Variants in ZDHHC15 observed in about 807,000 individuals in gnomAD.
ZDHHC15 encodes zDHHC palmitoyltransferase 15.
In ZDHHC15, 19 loss-of-function variants were observed where a neutral mutation model predicts 31.7. The ratio of observed to expected loss-of-function variants is 0.60; its 90% CI spans 0.42 to 0.88. ZDHHC15 has a LOEUF of 0.88. Ranked by LOEUF, ZDHHC15 falls within the 40% of genes least tolerant of loss-of-function variation. The probability of loss-of-function intolerance (pLI) is 0.00; values close to 1 mark genes in which losing one functional copy is unlikely to be tolerated. For missense variants in ZDHHC15, 209 were observed against 251.2 expected (o/e 0.83, Z 1.14); for synonymous variants, 103 against 90.0 (o/e 1.14, Z -0.82).
At chrX:75,375,825 T>C (rs2083053950) in intron 11 of ZDHHC15, among the ~76,000 whole-genome samples, 1 of 111,954 alleles carries the variant, frequency 8.9e-6, no homozygotes, top group Admixed American at 9.5e-5. Context: ...GACACCTAGG[T>C]TGATTGCATG....
At chrX:75,521,193 C>A (rs1322388944) in intron 1 of ZDHHC15, among the ~76,000 whole-genome samples, 2 of 110,231 alleles carry the variant, frequency 1.8e-5, no homozygotes, top group Non-Finnish European at 3.8e-5. Flanking sequence ...CATATTGGAG[C>A]CCCAAACTAG....
chrX:75,410,482 C>A (rs1399255621), intron 10 of ZDHHC15, among the ~76,000 whole-genome samples: 1 of 111,879 alleles, frequency 8.9e-6, no homozygotes, highest in Admixed American at 9.4e-5. Flanking sequence ...ATACAAATGG[C>A]CAACAGGTAT....
intron 10 of ZDHHC15, among the ~76,000 whole-genome samples, chrX:75,406,291 A>C (rs1339314733): frequency 8.9e-6 from 1 of 111,759 alleles, no homozygotes. Context: ...TTAAGGAACT[A>C]GAAAAGCAAG....
chrX:75,480,722 T>G (rs2084676626), intron 2 of ZDHHC15, among the ~76,000 whole-genome samples: 1 of 111,469 alleles, frequency 9.0e-6, no homozygotes, highest in African/African-American at 3.3e-5. Flanking sequence ...GTTACCATAA[T>G]TTATTTAACC....
intron 4 of ZDHHC15, among the ~76,000 whole-genome samples, chrX:75,433,691 GTGTGTGTATATA>G (rs59166864): frequency 0.21 from 1,318 of 6,388 alleles, 17 homozygotes; most frequent in Non-Finnish European, 0.3. Flanking sequence ...GTGTGTGTGT[GTGTGTGTATATA>G]TATATATATA....
Position 75,370,030 on chromosome X carries a change from C to G in ZDHHC15, c.*2948G>C, listed in dbSNP as rs1569299065. 1 of 111,564 alleles carries G rather than the reference C, an allele frequency of 9.0e-6. No homozygotes were observed. 9.2% of individuals were successfully genotyped at this position (111,564 alleles called of 1,213,427 possible). On this transcript the variant is annotated 3_prime_UTR_variant, in exon 12 of 12. Coordinates refer to ENST00000373367, the MANE Select transcript of ZDHHC15 (RefSeq NM_144969.3). Reference sequence around the variant, plus strand: ...GTTGGAGTGAATGGAAGAACATTAACAAAGTGCTCTAAGTCCTGCAAGAAC... The same window carrying G: ...GTTGGAGTGAATGGAAGAACATTAAGAAAGTGCTCTAAGTCCTGCAAGAAC...
intron 3 of ZDHHC15, among the ~76,000 whole-genome samples, chrX:75,472,496 G>C (rs2084518110): frequency 8.9e-6 from 1 of 112,141 alleles, no homozygotes; most frequent in African/African-American, 3.2e-5. Flanking sequence ...TTAGGGATTT[G>C]GAAGAAGCAT....
At chrX:75,495,536 A>G (rs760714481) in intron 2 of ZDHHC15, among the ~76,000 whole-genome samples, 9 of 110,870 alleles carry the variant, frequency 8.1e-5, no homozygotes, top group Admixed American at 3.9e-4. Context: ...CAACCCAAAT[A>G]TCCAACAATG....
intron 2 of ZDHHC15, among the ~76,000 whole-genome samples, chrX:75,482,357 C>T (rs753228780): frequency 1.8e-5 from 2 of 112,101 alleles, no homozygotes; most frequent in African/African-American, 6.5e-5. Flanking sequence ...AGAGTTGCAT[C>T]CAATGTTTAG....
At chrX:75,375,551 A>T (rs1478476055) in intron 11 of ZDHHC15, among the ~76,000 whole-genome samples, 1 of 110,690 alleles carries the variant, frequency 9.0e-6, no homozygotes, top group Admixed American at 9.6e-5. Flanking sequence ...TTTTCAACCC[A>T]CCCCCTTCTG....
chrX:75,381,136 T>C (rs2083110385), intron 10 of ZDHHC15, among the ~76,000 whole-genome samples: 1 of 111,392 alleles, frequency 9.0e-6, no homozygotes, highest in Non-Finnish European at 1.9e-5. Flanking sequence ...GGGGCAATAC[T>C]CTTTCATTCA....
chrX:75,501,254 C>T (rs772261531), intron 2 of ZDHHC15, among the ~76,000 whole-genome samples: 8 of 110,927 alleles, frequency 7.2e-5, no homozygotes, highest in African/African-American at 2.3e-4. Context: ...AGCCTCCAGC[C>T]CCATCCATGT....
At chrX:75,456,397 A>C (rs180926470) in intron 3 of ZDHHC15, among the ~76,000 whole-genome samples, 3 of 110,349 alleles carry the variant, frequency 2.7e-5, no homozygotes, top group Non-Finnish European at 3.8e-5. Flanking sequence ...AGAAATACCT[A>C]ATGTAAGTGT....
chrX:75,449,375 A>T (rs777675565), intron 4 of ZDHHC15, among the ~76,000 whole-genome samples: 8 of 111,153 alleles, frequency 7.2e-5, no homozygotes, highest in Non-Finnish European at 1.5e-4. Context: ...CTATCCTGGG[A>T]ATTGCAAATA....
intron 3 of ZDHHC15, among the ~76,000 whole-genome samples, chrX:75,456,192 T>C (rs2084218243): frequency 9.0e-6 from 1 of 111,520 alleles, no homozygotes; most frequent in African/African-American, 3.3e-5. Flanking sequence ...GATGAGTTCA[T>C]GTCCTTTGTA....
At chrX:75,390,723 T>C (rs2083234109) in intron 10 of ZDHHC15, among the ~76,000 whole-genome samples, 1 of 111,278 alleles carries the variant, frequency 9.0e-6, no homozygotes, top group Non-Finnish European at 1.9e-5. Context: ...CCTGTGAATA[T>C]TCGGAAAGCC....
intron 4 of ZDHHC15, among the ~76,000 whole-genome samples, chrX:75,442,228 G>A (rs2083952721): frequency 8.9e-6 from 1 of 111,873 alleles, no homozygotes; most frequent in African/African-American, 3.3e-5. Context: ...AGCCTTTGAG[G>A]ACCAAAACTG....
At chrX:75,426,535 T>C (rs1177000926) in intron 7 of ZDHHC15, among the ~76,000 whole-genome samples, 1 of 110,779 alleles carries the variant, frequency 9.0e-6, no homozygotes, top group African/African-American at 3.3e-5. Flanking sequence ...GTAATAGCCA[T>C]CAGAGAGAGA....
intron 9 of ZDHHC15, among the ~76,000 whole-genome samples, chrX:75,420,394 T>G (rs1010444303): frequency 3.6e-5 from 4 of 111,521 alleles, no homozygotes; most frequent in Non-Finnish European, 5.6e-5. Flanking sequence ...GAAGACTGTG[T>G]GGCAATTCCT....
Sources: gnomAD v4.1 joint callset for allele counts (sites outside exome capture counted in the v4.1 genomes callset) on GRCh38, gnomAD v4.1.1 for gene constraint, MANE v1.5 for transcripts, NCBI Gene and HGNC (gene_info 2026-07-23, HGNC 2026-07-21) for gene names.